Variants in CPA4 observed in about 807,000 individuals in gnomAD.
CPA4 encodes carboxypeptidase A3.
In CPA4, 49 loss-of-function variants were observed where a neutral mutation model predicts 54.7. That is an observed-to-expected ratio of 0.90 (90% CI 0.71 to 1.14). CPA4 has a LOEUF of 1.14. Among genes scored for constraint, CPA4 ranks in the 50% most tolerant of loss-of-function variants. CPA4 has a pLI of 0.00. For missense variants in CPA4, 487 were observed against 525.1 expected, an observed-to-expected ratio of 0.93 and a Z score of 0.71; for synonymous variants, 215 against 206.8, an observed-to-expected ratio of 1.04 and a Z score of -0.34.
chr7:130,306,869 C>A lies in CPA4; in HGVS notation c.674C>A (p.Pro225His). 1 of 1,605,226 alleles carries A rather than the reference C, an allele frequency of 6.2e-7. No individual in the cohort carries two copies. Among genetic ancestry groups the A allele is most frequent in the Non-Finnish European group, 8.5e-7 (1 of 1,171,906 alleles). ...ATTTTCTTGTTGCCTGTGGCCAATC[C>A]TGATGGATATGTGTATACTCAAACT... is the stretch of plus-strand genomic sequence containing the variant. ...MDIFLLPVAN[P>H]DGYVYTQTQN... is the part of the protein sequence containing the mutation. Residue 225 changes from proline (P) to histidine (H), a missense_variant, in exon 7 of 11, where the codon CCT (proline) becomes CAT (histidine). Coordinates refer to ENST00000222482, the MANE Select transcript of CPA4 (RefSeq NM_016352.4).
At position 130,312,052 on chromosome 7, in the gene CPA4, G is replaced by A; in HGVS notation, c.1008G>A (p.Arg336=). 2 of 1,614,162 alleles carry A rather than the reference G, an allele frequency of 1.2e-6. No individual in the cohort carries two copies. Among genetic ancestry groups the A allele is most frequent in the African/African-American group, 1.3e-5 (1 of 75,058 alleles). ...CCCCTTCCCAGGACAAGGTGGCGAGGCTTGCGGCCAAAGCTCTGGCTTCTG... is the reference window on the plus strand; with the variant it reads ...CCCCTTCCCAGGACAAGGTGGCGAGACTTGCGGCCAAAGCTCTGGCTTCTG... ...PDAEELDKVA[R]LAAKALASVS... Residue 336 remains arginine, a synonymous_variant, in exon 10 of 11, where the codon AGG becomes AGA. Coordinates refer to ENST00000222482, the MANE Select transcript of CPA4 (RefSeq NM_016352.4).
intron 1 of CPA4, among the ~76,000 whole-genome samples, chr7:130,297,912 G>A (rs886752617): frequency 5.3e-5 from 8 of 152,150 alleles, no homozygotes; most frequent in South Asian, 2.1e-4. Context: ...ACAGGACTTC[G>A]GGGGCCACTA....
At chr7:130,321,535 T>G (rs915243655) in intron 10 of CPA4, among the ~76,000 whole-genome samples, 4 of 152,262 alleles carry the variant, frequency 2.6e-5, no homozygotes, top group South Asian at 4.1e-4. Flanking sequence ...CTAAGGCTTG[T>G]GTATTTGTCC....
chr7:130,311,253 A>G (rs188904473), intron 9 of CPA4, among the ~76,000 whole-genome samples: 43 of 152,230 alleles, frequency 2.8e-4, no homozygotes, highest in African/African-American at 1.0e-3. Context: ...ACTGCCATGT[A>G]TTGTGGACCC....
chr7:130,293,545 C>T, intron 1 of CPA4: 1 of 323,124 alleles, frequency 3.1e-6, no homozygotes, highest in South Asian at 3.2e-5. Flanking sequence ...TTTCTTACTC[C>T]TACCTTATTA....
At chr7:130,307,428 G>A (rs572227201) in intron 7 of CPA4, among the ~76,000 whole-genome samples, 4 of 152,052 alleles carry the variant, frequency 2.6e-5, no homozygotes, top group African/African-American at 9.6e-5. Context: ...TCAGGAGATC[G>A]AGACCATCCT....
At chr7:130,318,407 C>T (rs1311784474) in intron 10 of CPA4, among the ~76,000 whole-genome samples, 2 of 152,136 alleles carry the variant, frequency 1.3e-5, no homozygotes, top group Non-Finnish European at 2.9e-5. Flanking sequence ...AAAATTTCTA[C>T]CTTTTCTTTT....
At chr7:130,300,516 A>G (rs1012697219) in intron 3 of CPA4, among the ~76,000 whole-genome samples, 4 of 151,880 alleles carry the variant, frequency 2.6e-5, no homozygotes, top group African/African-American at 7.3e-5. Flanking sequence ...TTGTATTTTT[A>G]GTAGAGACAG....
In CPA4 at chr7:130,308,381, G is replaced by GA. The variant is rs1562930556; in HGVS notation, c.779dup (p.Asn260LysfsTer3). 3 of 1,614,078 alleles carry GA rather than the reference G, an allele frequency of 1.9e-6. No homozygotes were observed. In the South Asian group the frequency reaches 3.3e-5, roughly 18 times the overall value. On this transcript the variant is annotated frameshift_variant, in exon 8 of 11. Transcript: ENST00000222482. LOFTEE classifies it high-confidence loss of function. Reference sequence around the variant, plus strand: ...TTGGTGCTGACCCAAATAGAAACTGGAACGCTAGTTTTGCAGGTAGGCGGT... The same window carrying GA: ...TTGGTGCTGACCCAAATAGAAACTGGAAACGCTAGTTTTGCAGGTAGGCGGT...
At chr7:130,301,922 T>C (rs1475412445) in intron 4 of CPA4, among the ~76,000 whole-genome samples, 1 of 152,158 alleles carries the variant, frequency 6.6e-6, no homozygotes, top group Non-Finnish European at 1.5e-5. Flanking sequence ...ATCAAGCCCA[T>C]GAAATCAGCC....
chr7:130,299,459 C>T lies in CPA4; in HGVS notation c.285+55C>T, dbSNP rs1453131901. 3.3e-6 allele frequency: 5 copies of T among 1,528,262 alleles called. 1 individual carries two copies. Among genetic ancestry groups the T allele is most frequent in the Non-Finnish European group, 3.6e-6 (4 of 1,106,170 alleles). The allele number at this position is 1,528,262 out of a possible 1,614,324, so 94.7% of individuals were successfully genotyped here. A position where few individuals can be genotyped will look rare whatever the true frequency, so the allele number is the denominator to read the frequency against. On this transcript the variant is annotated intron_variant, in intron 3 of 10. Transcript: ENST00000222482. ...TCTTGCATAGGACCAGGCAGCCAGT[C>T]CAGAGTAGACCGGAGTGATTTGCAA...
At chr7:130,303,379 G>C (rs1398721035) in intron 4 of CPA4, among the ~76,000 whole-genome samples, 1 of 152,172 alleles carries the variant, frequency 6.6e-6, no homozygotes, top group Non-Finnish European at 1.5e-5. Flanking sequence ...CAGGATGTAA[G>C]CAAGATAGTC....
chr7:130,298,134 AG>A (rs1295508113), intron 1 of CPA4, among the ~76,000 whole-genome samples: 1 of 152,112 alleles, frequency 6.6e-6, no homozygotes, highest in African/African-American at 2.4e-5. Flanking sequence ...TGGAGCTGGA[AG>A]GGACTGAGCG....
In CPA4 at chr7:130,322,605, A is replaced by G. The variant is rs1794130859; in HGVS notation, c.1195A>G (p.Ile399Val). Residue 399 changes from isoleucine to valine, a missense_variant, in exon 11 of 11, where the codon ATC (isoleucine) becomes GTC (valine). By Grantham distance (29) the Ile-to-Val change is conservative (BLOSUM62 3). Transcript: ENST00000222482. ...YGFLLPANQI[I>V]PTAEETWLGL... is the part of the protein sequence containing the mutation. ...CTTCCTCCTGCCAGCTAACCAGATC[A>G]TCCCCACTGCAGAGGAGACGTGGCT... The G allele has an allele frequency of 6.2e-7, 1 of 1,613,780 alleles. No homozygotes were observed.
At chr7:130,315,491 G>A (rs1427416925) in intron 10 of CPA4, among the ~76,000 whole-genome samples, 1 of 152,138 alleles carries the variant, frequency 6.6e-6, no homozygotes, top group African/African-American at 2.4e-5. Context: ...GATAGGGGAT[G>A]TGTGGCTTCC....
At chr7:130,304,387 A>G in intron 4 of CPA4, 91 bp from the exon 5 acceptor site, 3 of 830,526 alleles carry the variant, frequency 3.6e-6, no homozygotes, top group South Asian at 2.7e-5. Context: ...CCCGGAAGAG[A>G]TAGTTAAGAT....
At chr7:130,302,303 A>G (rs1793750671) in intron 4 of CPA4, among the ~76,000 whole-genome samples, 1 of 152,150 alleles carries the variant, frequency 6.6e-6, no homozygotes, top group Non-Finnish European at 1.5e-5. Flanking sequence ...CCTGGCTAAC[A>G]TGGTGAAACC....
Position 130,304,500 on chromosome 7 carries a change from T to A in CPA4, c.407T>A (p.Ile136Asn). 1 of 1,611,724 alleles carries A rather than the reference T, an allele frequency of 6.2e-7. No individual in the cohort carries two copies. Residue 136 changes from isoleucine (I) to asparagine (N), a missense_variant, in exon 5 of 11, where the codon ATT becomes AAT. Coordinates refer to ENST00000222482, the MANE Select transcript of CPA4 (RefSeq NM_016352.4). ...CAGATTTACCACGAGATGGACAACA[T>A]TGCCGCAGACTTTCCTGACCTGGCG... ...LEAIYHEMDN[I>N]AADFPDLARR... is the part of the protein sequence containing the mutation.
In CPA4 at chr7:130,299,740, G is replaced by C. The variant is rs115537491; in HGVS notation, c.285+336G>C. ...GGTGATAGTGAGACCTTCGTCATGTGATTTGTTGAGAAGACTCAGGATTAA... is the reference window on the plus strand; with the variant it reads ...GGTGATAGTGAGACCTTCGTCATGTCATTTGTTGAGAAGACTCAGGATTAA... On this transcript the variant is annotated intron_variant, in intron 3 of 10. Coordinates refer to ENST00000222482, the MANE Select transcript of CPA4 (RefSeq NM_016352.4). 3.8e-3 allele frequency: 916 copies of C among 243,538 alleles called. 8 individuals are homozygous for C. Among genetic ancestry groups the C allele is most frequent in the African/African-American group, 0.019 (862 of 46,396 alleles). The allele number at this position is 243,538 out of a possible 1,614,324, so 15.1% of individuals were successfully genotyped here.
Sources: gnomAD v4.1 joint callset for allele counts (sites outside exome capture counted in the v4.1 genomes callset) on GRCh38, gnomAD v4.1.1 for gene constraint, MANE v1.5 for transcripts, NCBI Gene and HGNC (gene_info 2026-07-23, HGNC 2026-07-21) for gene names.